The following ENKUR variants were observed in gnomAD, a reference collection of about 807,000 sequenced individuals.
ENKUR encodes the protein enkurin.
A neutral mutation model predicts 27.6 loss-of-function variants in ENKUR; 19 were observed. The ratio of observed to expected loss-of-function variants is 0.69; its 90% CI spans 0.48 to 1.01. ENKUR has a LOEUF of 1.01. Ranked by LOEUF, ENKUR falls within the 50% of genes least tolerant of loss-of-function variation. ENKUR has a pLI of 0.00. For missense variants in ENKUR, 312 were observed against 310.5 expected (o/e 1.00, Z -0.04); for synonymous variants, 117 against 96.9 (o/e 1.21, Z -1.22).
chr10:25,023,222 G>T, intron 2 of ENKUR: 1 of 1,603,532 alleles, frequency 6.2e-7, no homozygotes. Context: ...AGTGAAAAGA[G>T]AATGCTCCAC....
intron 3 of ENKUR, 108 bp downstream of exon 3, chr10:24,995,538 C>A (rs1564337657): frequency 2.0e-6 from 2 of 981,654 alleles, no homozygotes; most frequent in Non-Finnish European, 3.0e-6. Context: ...GCAAAGTAGA[C>A]AATGTGTCCA....
chr10:25,020,129 TAATA>T (rs761435423), upstream of ENKUR, among the ~76,000 whole-genome samples: 2 of 152,080 alleles, frequency 1.3e-5, no homozygotes, highest in African/African-American at 2.4e-5. Context: ...TCTTTAGAAA[TAATA>T]TATATTATAG....
At chr10:25,045,461 A>G (rs71495411) in intron 2 of ENKUR, among the ~76,000 whole-genome samples, 3,809 of 152,348 alleles carry the variant, frequency 0.025, 62 homozygotes, top group Non-Finnish European at 0.035. Flanking sequence ...CTATAAAAAA[A>G]GAGGAATTCT....
chr10:24,989,498 G>C (rs1849878704), intron 4 of ENKUR, among the ~76,000 whole-genome samples: 1 of 152,168 alleles, frequency 6.6e-6, no homozygotes, highest in African/African-American at 2.4e-5. Context: ...TGAAACTTAA[G>C]AGCTGCACAC....
intron 2 of ENKUR, among the ~76,000 whole-genome samples, chr10:25,042,940 G>C (rs1851081993): frequency 6.6e-6 from 1 of 152,102 alleles, no homozygotes; most frequent in Admixed American, 6.5e-5. Context: ...ACAATATTAG[G>C]ACAATCAGCA....
chr10:25,011,316 T>C (rs1186770131), intron 1 of ENKUR, among the ~76,000 whole-genome samples: 1 of 152,202 alleles, frequency 6.6e-6, no homozygotes, highest in African/African-American at 2.4e-5. Context: ...TGTACATTTG[T>C]TTGAGTTCAT....
At chr10:25,050,607 C>A (rs7898431) in intron 2 of ENKUR, among the ~76,000 whole-genome samples, 65,624 of 151,910 alleles carry the variant, frequency 0.43, 15,024 homozygotes, top group African/African-American at 0.59. Context: ...TGGGAGCTAC[C>A]ATTTGAGATT....
chr10:24,982,273 A>G lies in ENKUR; in HGVS notation c.*2097T>C, dbSNP rs1401181117. 6.6e-6 allele frequency: 1 copy of G among 152,226 alleles called. No homozygotes were observed. The highest frequency in any genetic ancestry group is 1.9e-4 in the East Asian group (1 of 5,194). The allele number at this position is 152,226 out of a possible 1,614,324, so 9.4% of individuals were successfully genotyped here. A position where few individuals can be genotyped will look rare whatever the true frequency, so the allele number is the denominator to read the frequency against. On this transcript the variant is annotated 3_prime_UTR_variant, in exon 6 of 6. Transcript: ENST00000331161. ...GCCAGGCAGCTATGTAGGATGAGAG[A>G]AAGAAAAGGGCAGTTTTCTGGGTGG... is the stretch of plus-strand genomic sequence containing the variant.
intron 1 of ENKUR, among the ~76,000 whole-genome samples, chr10:25,011,535 G>T (rs1850444274): frequency 6.6e-6 from 1 of 152,126 alleles, no homozygotes; most frequent in Non-Finnish European, 1.5e-5. Context: ...GCCATATGTA[G>T]AAAGCTGAAA....
intron 2 of ENKUR, among the ~76,000 whole-genome samples, chr10:25,030,440 T>A (rs1850921561): frequency 6.6e-6 from 1 of 152,216 alleles, no homozygotes; most frequent in South Asian, 2.1e-4. Flanking sequence ...AATTTGAAGG[T>A]ATTGCTCCAC....
At chr10:25,042,452 A>G (rs1285857094) in intron 2 of ENKUR, among the ~76,000 whole-genome samples, 1 of 151,370 alleles carries the variant, frequency 6.6e-6, no homozygotes, top group Non-Finnish European at 1.5e-5. Context: ...CCACCACCAC[A>G]CCCGGCTAAA....
At chr10:25,019,652 A>T (rs1850678593), upstream of ENKUR, among the ~76,000 whole-genome samples, 1 of 152,234 alleles carries the variant, frequency 6.6e-6, no homozygotes. Context: ...ACCATTTTAT[A>T]TAAAGGACTT....
chr10:25,024,513 A>C (rs773282612), intron 2 of ENKUR: 6 of 1,614,234 alleles, frequency 3.7e-6, no homozygotes, highest in Non-Finnish European at 4.2e-6. Context: ...ATGGATGGGC[A>C]GTGGGTGTTG....
intron 3 of ENKUR, among the ~76,000 whole-genome samples, chr10:24,991,931 C>T (rs1849938079): frequency 6.6e-6 from 1 of 152,186 alleles, no homozygotes; most frequent in African/African-American, 2.4e-5. Flanking sequence ...AGCCTCACAA[C>T]CTGCCCTTCG....
intron 2 of ENKUR, chr10:25,061,040 A>G (rs1010322550): frequency 8.7e-5 from 123 of 1,406,918 alleles, no homozygotes; most frequent in Non-Finnish European, 1.2e-4. Flanking sequence ...TGAGACAAGG[A>G]TATCTCTAAG....
chr10:24,987,256 G>A (rs568194063), intron 4 of ENKUR, among the ~76,000 whole-genome samples: 5 of 152,276 alleles, frequency 3.3e-5, no homozygotes, highest in African/African-American at 1.2e-4. Flanking sequence ...CGTAGGTGGT[G>A]GTAAATTCCT....
Position 24,990,576 on chromosome 10 carries a change from G to C in ENKUR, c.481C>G (p.Arg161Gly). The stretch of plus-strand genomic sequence containing the variant: ...TGGGCTTTCTTTATTTCCTCGTTTC[G>C]CTTACATATGTATTCAGGTGTGACA... Reference protein sequence around the residue: ...YGVTPEYICKRNEEIKKAQED... With the variant: ...YGVTPEYICKGNEEIKKAQED... The change falls in exon 4 of 6, where the codon CGA (arginine) becomes GGA (glycine). Residue 161 changes from arginine to glycine, a missense_variant. Physicochemically the swap from Arg to Gly is moderately radical, Grantham distance 125. Transcript: ENST00000331161. 2 of 1,612,668 alleles carry C rather than the reference G, an allele frequency of 1.2e-6. No homozygotes were observed. The highest frequency in any genetic ancestry group is 1.7e-6 in the Non-Finnish European group (2 of 1,179,698).
intron 1 of ENKUR, among the ~76,000 whole-genome samples, chr10:25,011,486 G>T (rs1465567443): frequency 6.6e-6 from 1 of 152,110 alleles, no homozygotes; most frequent in Non-Finnish European, 1.5e-5. Flanking sequence ...ATAGGGAAAG[G>T]ATTCCCTATT....
At chr10:24,995,929 T>C (rs1850044181) in intron 2 of ENKUR, 60 bp from the exon 3 acceptor site, 4 of 1,330,278 alleles carry the variant, frequency 3.0e-6, no homozygotes, top group Non-Finnish European at 4.1e-6. Context: ...CTCAGTGCTA[T>C]TTATAATATC....
Sources: gnomAD v4.1 joint callset for allele counts (sites outside exome capture counted in the v4.1 genomes callset) on GRCh38, gnomAD v4.1.1 for gene constraint, MANE v1.5 for transcripts, NCBI Gene and HGNC (gene_info 2026-07-23, HGNC 2026-07-21) for gene names.